Variants in GGA3 observed in about 807,000 individuals in gnomAD.
The protein encoded by GGA3 is golgi associated, gamma adaptin ear containing, ARF binding protein 3, also known as ADP-ribosylation factor-binding protein GGA3.
GGA3 carries 57 observed loss-of-function variants against 77.5 expected under a neutral mutation model. That is an observed-to-expected ratio of 0.74 (90% CI 0.59 to 0.92). GGA3 has a LOEUF of 0.92. Among genes scored for constraint, GGA3 ranks in the 40% least tolerant of loss-of-function variants. GGA3 has a pLI of 0.00. For synonymous variants in GGA3, 416 were observed against 383.7 expected, an observed-to-expected ratio of 1.08 and a Z score of -0.98; for missense variants, 970 against 914.9, an observed-to-expected ratio of 1.06 and a Z score of -0.78.
rs374729697 is a variant in GGA3 at position 75,239,371 on chromosome 17, C to G, written c.1780+4G>C. On this transcript the variant is annotated splice_donor_region_variant and intron_variant, in intron 14 of 16. Transcript: ENST00000537686. ...CCCACCCACCTCAATCCTCCAACAC[C>G]TACTAGGCTTGATCGATTCCAGGGG... 2.7e-5 allele frequency: 42 copies of G among 1,538,806 alleles called. No individual in the cohort carries two copies. The highest frequency in any genetic ancestry group is 1.2e-4 in the South Asian group (9 of 77,426).
chr17:75,252,325 G>C (rs919133241), intron 1 of GGA3, among the ~76,000 whole-genome samples: 4 of 151,678 alleles, frequency 2.6e-5, no homozygotes, highest in African/African-American at 9.7e-5. Context: ...CCTGGGCTCA[G>C]GCGATGCTCC....
intron 4 of GGA3, among the ~76,000 whole-genome samples, chr17:75,243,919 G>A (rs1256200528): frequency 1.3e-5 from 2 of 152,140 alleles, no homozygotes; most frequent in African/African-American, 2.4e-5. Flanking sequence ...TGCCCAGGGT[G>A]TAAGGGCCGG....
chr17:75,240,326 G>T lies in GGA3; in HGVS notation c.1263+16C>A, dbSNP rs577012112. ...TCCTTGGCACAGTAGTGCTGTCACC[G>T]ATCCTGTGCCCCTACCTGGAGCAGG... On this transcript the variant is annotated intron_variant, in intron 12 of 16. Coordinates refer to ENST00000537686, the MANE Select transcript of GGA3 (RefSeq NM_138619.4). The T allele has an allele frequency of 1.3e-6, 2 of 1,548,964 alleles. No homozygotes were observed. Among genetic ancestry groups the T allele is most frequent in the Non-Finnish European group, 8.8e-7 (1 of 1,132,996 alleles).
In GGA3 at chr17:75,237,301, A is replaced by G. The variant is rs2076351742; in HGVS notation, c.*978T>C. Reference sequence around the variant, plus strand: ...AGGTTTCTGGGCAGCACATTAGGACATATGTCTAGTGTAACATTTGTGATC... The same window carrying G: ...AGGTTTCTGGGCAGCACATTAGGACGTATGTCTAGTGTAACATTTGTGATC... On this transcript the variant is annotated 3_prime_UTR_variant, in exon 17 of 17. Coordinates refer to ENST00000537686, the MANE Select transcript of GGA3 (RefSeq NM_138619.4). 3 of 642,004 alleles carry G rather than the reference A, an allele frequency of 4.7e-6. No individual in the cohort carries two copies. Among genetic ancestry groups the G allele is most frequent in the Non-Finnish European group, 8.3e-6 (3 of 359,368 alleles). 39.8% of individuals were successfully genotyped at this position (642,004 alleles called of 1,614,324 possible).
At position 75,241,645 on chromosome 17, in the gene GGA3, T is replaced by A. The variant is rs372544184; in HGVS notation, c.799A>T (p.Ser267Cys). ...NKRRTLFKLA[S>C]ETEDNDNSLG... ...CTGTTATCATTGTCCTCAGTCTCAC[T>A]GGCGAGTTTAAATAAAGTCCGCCTC... The change falls in exon 9 of 17, where the codon AGT becomes TGT. Residue 267 changes from serine (S) to cysteine (C), a missense_variant. Ser to Cys is a moderately radical substitution (Grantham distance 112, BLOSUM62 -1). Coordinates refer to ENST00000537686, the MANE Select transcript of GGA3 (RefSeq NM_138619.4). The A allele has an allele frequency of 2.5e-6, 4 of 1,614,186 alleles. No homozygotes were observed. Among genetic ancestry groups the A allele is most frequent in the African/African-American group, 2.7e-5 (2 of 75,068 alleles).
Position 75,261,593 on chromosome 17 carries a change from A to G in GGA3, c.-6T>C. ...TCCCCTTCCGCCTCCGCCATATTGC[A>G]GCCGCCCGGCCCCGCGGCTTCAAAA... On this transcript the variant is annotated 5_prime_UTR_variant, in exon 1 of 17. Transcript: ENST00000537686. The G allele has an allele frequency of 1.9e-6, 3 of 1,545,608 alleles. No individual in the cohort carries two copies. Among genetic ancestry groups the G allele is most frequent in the Non-Finnish European group, 2.6e-6 (3 of 1,147,632 alleles).
At chr17:75,261,715 G>T, upstream of GGA3, 1 of 1,149,494 alleles carries the variant, frequency 8.7e-7, no homozygotes, top group South Asian at 1.6e-5. Context: ...GACTGCGACG[G>T]ATACAGGGAG....
At chr17:75,254,359 C>G (rs975649095) in intron 1 of GGA3, among the ~76,000 whole-genome samples, 4 of 152,166 alleles carry the variant, frequency 2.6e-5, no homozygotes, top group Non-Finnish European at 4.4e-5. Context: ...GGCCCTCCCC[C>G]ACCTGCCCAG....
intron 1 of GGA3, among the ~76,000 whole-genome samples, chr17:75,247,836 A>G (rs1240159133): frequency 6.6e-6 from 1 of 152,140 alleles, no homozygotes; most frequent in Non-Finnish European, 1.5e-5. Flanking sequence ...CCAAATGCAA[A>G]GTTCTGATAT....
In GGA3 at chr17:75,237,812, A is replaced by G; in HGVS notation, c.*467T>C. ...GCAGCAGGAGCTGGTTGGCGGGGGAAGCATGGAATTGCAACAGGGCTGCAG... is the reference window on the plus strand; with the variant it reads ...GCAGCAGGAGCTGGTTGGCGGGGGAGGCATGGAATTGCAACAGGGCTGCAG... On this transcript the variant is annotated 3_prime_UTR_variant, in exon 17 of 17. Coordinates refer to ENST00000537686, the MANE Select transcript of GGA3 (RefSeq NM_138619.4). The G allele has an allele frequency of 1.4e-6, 2 of 1,428,360 alleles. No individual in the cohort carries two copies. The highest frequency in any genetic ancestry group is 2.5e-5 in the East Asian group (1 of 39,712). The allele number at this position is 1,428,360 out of a possible 1,614,324, so 88.5% of individuals were successfully genotyped here.
rs560414992 is a variant in GGA3, at chr17:75,238,186, T to C, written c.*93A>G. 1.1e-4 allele frequency: 169 copies of C among 1,535,420 alleles called. 1 individual carries two copies. The highest frequency in any genetic ancestry group is 1.4e-4 in the Non-Finnish European group (157 of 1,141,106). The stretch of plus-strand genomic sequence containing the variant: ...TTCCACATCAAAGCTACAAGCACTG[T>C]TGTCAGGGCATGGAGAGTGACGGGA... On this transcript the variant is annotated 3_prime_UTR_variant, in exon 17 of 17. Transcript: ENST00000537686.
Position 75,239,986 on chromosome 17 carries a change from C to T in GGA3, c.1386G>A (p.Pro462=), listed in dbSNP as rs545821054. The T allele has an allele frequency of 8.7e-5, 135 of 1,557,464 alleles. 3 individuals carry two copies. In the South Asian group the frequency reaches 1.1e-3, roughly 13 times the overall value. ...PSSSSSQAPL[P]PPFPAPVVPA... The stretch of plus-strand genomic sequence containing the variant: ...GGACCACAGGAGCTGGGAAGGGAGG[C>T]GGCAGTGGAGCTTGGGAGCTGCTTG... Residue 462 remains proline (P), a synonymous_variant, in exon 13 of 17, where the codon CCG becomes CCA. Transcript: ENST00000537686.
intron 4 of GGA3, chr17:75,244,389 A>G: frequency 2.0e-6 from 1 of 490,570 alleles, no homozygotes; most frequent in Non-Finnish European, 3.7e-6. Flanking sequence ...ACACACAGCC[A>G]CTACCACATC....
At chr17:75,259,144 C>T (rs1417139615) in intron 1 of GGA3, among the ~76,000 whole-genome samples, 2 of 151,810 alleles carry the variant, frequency 1.3e-5, no homozygotes, top group African/African-American at 2.4e-5. Context: ...TTAGTAGAGA[C>T]GGGGTTTCAC....
At chr17:75,260,707 G>A (rs2077328440) in intron 1 of GGA3, among the ~76,000 whole-genome samples, 1 of 152,170 alleles carries the variant, frequency 6.6e-6, no homozygotes, top group Admixed American at 6.5e-5. Context: ...AGGCTTCCAG[G>A]TCTAGCCTAC....
chr17:75,242,227 CA>C, intron 8 of GGA3, 108 bp downstream of exon 8: 2 of 1,161,600 alleles, frequency 1.7e-6, no homozygotes, highest in South Asian at 2.6e-5. Flanking sequence ...AATACACTGC[CA>C]AGTGCACAGC....
chr17:75,240,247 G>T, intron 12 of GGA3, 95 bp downstream of exon 12: 1 of 1,148,638 alleles, frequency 8.7e-7, no homozygotes, highest in Non-Finnish European at 1.3e-6. Context: ...GGCACGCTCT[G>T]GAGGGAAGGA....
At chr17:75,252,748 C>T (rs2077012121) in intron 1 of GGA3, among the ~76,000 whole-genome samples, 1 of 152,188 alleles carries the variant, frequency 6.6e-6, no homozygotes, top group Non-Finnish European at 1.5e-5. Context: ...GACATTCCAG[C>T]ATTGTGATTT....
rs200850630 is a variant in GGA3 at position 75,242,818 on chromosome 17, G to A, written c.609+13C>T. ...TCCTCCACCCCGTGCCTGAAGGACC[G>A]GGGCCCACTCACTTCCTTCACCATG... On this transcript the variant is annotated intron_variant, in intron 7 of 16. Coordinates refer to ENST00000537686, the MANE Select transcript of GGA3 (RefSeq NM_138619.4). The A allele has an allele frequency of 3.8e-4, 608 of 1,601,604 alleles. 5 individuals are homozygous for A. The South Asian group carries it at 6.1e-3, about 16-fold the overall frequency.
Sources: gnomAD v4.1 joint callset for allele counts (sites outside exome capture counted in the v4.1 genomes callset) on GRCh38, gnomAD v4.1.1 for gene constraint, MANE v1.5 for transcripts, NCBI Gene and HGNC (gene_info 2026-07-23, HGNC 2026-07-21) for gene names.